The following HPF1 variants were observed in gnomAD, a reference collection of about 807,000 sequenced individuals.
The protein encoded by HPF1 is histone PARylation factor 1.
HPF1 carries 35 observed loss-of-function variants against 38.8 expected under a neutral mutation model. The ratio of observed to expected loss-of-function variants is 0.90; its 90% CI spans 0.69 to 1.19. The LOEUF (loss-of-function observed/expected upper bound fraction) is 1.19. Ranked by LOEUF, HPF1 falls within the 50% of genes most tolerant of loss-of-function variation. The pLI is 0.00. For synonymous variants in HPF1, 115 were observed against 139.2 expected, an observed-to-expected ratio of 0.83 and a Z score of 1.22; for missense variants, 367 against 405.8, an observed-to-expected ratio of 0.90 and a Z score of 0.82.
intron 2 of HPF1, among the ~76,000 whole-genome samples, chr4:169,752,502 G>C (rs1423965751): frequency 2.0e-5 from 3 of 151,988 alleles, no homozygotes; most frequent in Admixed American, 6.6e-5. Flanking sequence ...CCCATTAACA[G>C]TTTCTTTATC....
At chr4:169,742,956 C>T (rs1418931229) in intron 4 of HPF1, among the ~76,000 whole-genome samples, 3 of 151,612 alleles carry the variant, frequency 2.0e-5, no homozygotes, top group African/African-American at 4.8e-5. Context: ...CAAAAATTAG[C>T]TGGGCATGGT....
chr4:169,729,654 CTCT>C lies in HPF1; in HGVS notation c.962_964del (p.Lys321del), dbSNP rs1413914320. 1.3e-6 allele frequency: 2 copies of C among 1,586,520 alleles called. No individual in the cohort carries two copies. Among genetic ancestry groups the C allele is most frequent in the East Asian group, 2.3e-5 (1 of 43,674 alleles). ...CTCAATAATTTCTGCAAACAGATTC[CTCT>C]TCAACAGATTATATGCAAGAGGTAA... is the stretch of plus-strand genomic sequence containing the variant. On this transcript the variant is annotated inframe_deletion, in exon 8 of 8. Coordinates refer to ENST00000393381, the MANE Select transcript of HPF1 (RefSeq NM_017867.3).
At chr4:169,752,892 A>AT (rs1330685845) in intron 2 of HPF1, among the ~76,000 whole-genome samples, 4 of 152,154 alleles carry the variant, frequency 2.6e-5, no homozygotes, top group Non-Finnish European at 5.9e-5. Context: ...ATGTGATGAA[A>AT]TTACCTTTGC....
In HPF1 at chr4:169,757,867, C is replaced by A. The variant is rs568193006; in HGVS notation, c.11G>T (p.Gly4Val). Residue 4 changes from glycine to valine, a missense_variant, in exon 1 of 8, where the codon GGT becomes GTT. Transcript: ENST00000393381. MVG[G>V]GGKRRPGGEG... ...TCCGCCGGGCCTGCGCTTCCCGCCA[C>A]CGCCGACCATTCTGCAGCTGCAGCG... The A allele has an allele frequency of 5.8e-6, 9 of 1,562,830 alleles. No homozygotes were observed. In the African/African-American group the frequency reaches 1.1e-4, roughly 19 times the overall value.
At chr4:169,753,532 G>A (rs1734146274) in intron 2 of HPF1, 144 bp downstream of exon 2, 1 of 675,234 alleles carries the variant, frequency 1.5e-6, no homozygotes, top group Non-Finnish European at 2.6e-6. Context: ...GTCTCACTAT[G>A]TTGACCAGGT....
intron 2 of HPF1, among the ~76,000 whole-genome samples, chr4:169,752,000 T>C (rs1403585883): frequency 6.6e-6 from 1 of 152,156 alleles, no homozygotes; most frequent in Non-Finnish European, 1.5e-5. Context: ...TGAATATTTT[T>C]CCATGCTATT....
intron 6 of HPF1, 119 bp downstream of exon 6, chr4:169,737,541 A>T (rs1222032081): frequency 1.0e-5 from 7 of 696,706 alleles, no homozygotes; most frequent in African/African-American, 8.8e-5. Context: ...ACTCTTTATT[A>T]CTAAGGTCTA....
chr4:169,735,916 G>T (rs1447406818), intron 6 of HPF1, among the ~76,000 whole-genome samples: 1 of 147,840 alleles, frequency 6.8e-6, no homozygotes, highest in East Asian at 1.9e-4. Context: ...GAAACAGGTG[G>T]GGCAGGAGAA....
chr4:169,729,971 T>C (rs529027005), intron 7 of HPF1, among the ~76,000 whole-genome samples: 1 of 152,366 alleles, frequency 6.6e-6, no homozygotes, highest in South Asian at 2.1e-4. Context: ...CCTTAGGTTT[T>C]ATCAACTTTT....
At chr4:169,742,797 A>C (rs1733992702) in intron 4 of HPF1, among the ~76,000 whole-genome samples, 1 of 151,656 alleles carries the variant, frequency 6.6e-6, no homozygotes, top group Non-Finnish European at 1.5e-5. Context: ...GTCTCAAAAA[A>C]ATATATGTAT....
chr4:169,748,561 T>C (rs1581321430), intron 4 of HPF1, among the ~76,000 whole-genome samples, 183 bp downstream of exon 4: 2 of 152,160 alleles, frequency 1.3e-5, no homozygotes, highest in Middle Eastern at 3.4e-3. Flanking sequence ...TTAGTAGAGA[T>C]GGGGTATACC....
chr4:169,747,790 G>C (rs1229043946), intron 4 of HPF1, among the ~76,000 whole-genome samples: 1 of 152,186 alleles, frequency 6.6e-6, no homozygotes, highest in Non-Finnish European at 1.5e-5. Flanking sequence ...ATACCACATG[G>C]AGGCTGTGCT....
At chr4:169,732,852 C>G (rs1560886265) in intron 6 of HPF1, among the ~76,000 whole-genome samples, 1 of 152,096 alleles carries the variant, frequency 6.6e-6, no homozygotes, top group Non-Finnish European at 1.5e-5. Flanking sequence ...ATTAGGTATT[C>G]TAAGTAATCT....
Position 169,749,720 on chromosome 4 carries a change from C to CAAA in HPF1, c.398+813_398+815dup, listed in dbSNP as rs11413826. Among the ~76,000 whole-genome samples the CAAA allele has an allele frequency of 5.9e-3, 748 of 127,280 alleles. 12 individuals carry two copies. Among genetic ancestry groups the CAAA allele is most frequent in the African/African-American group, 0.021 (700 of 33,514 alleles). 83.5% of individuals were successfully genotyped at this position (127,280 alleles called of 152,430 possible). A position where few individuals can be genotyped will look rare whatever the true frequency, so the allele number is the denominator to read the frequency against. On this transcript the variant is annotated intron_variant, in intron 3 of 7. Coordinates refer to ENST00000393381, the MANE Select transcript of HPF1 (RefSeq NM_017867.3). ...ACCTAGTTGCTTTTATACTCAAATA[C>CAAA]AAAAAAAAAAAAAAAGGAAAAACAA...
rs187771618 is a variant in HPF1, at chr4:169,738,841, G to A, written c.649-1094C>T. Among the ~76,000 whole-genome samples, 954 of 152,250 alleles carry A rather than the reference G, an allele frequency of 6.3e-3. 27 individuals are homozygous for A. The highest frequency in any genetic ancestry group is 0.035 in the Admixed American group (538 of 15,290). ...AGGATGAGTTCATGTCCTTTGTAGG[G>A]ACATGGATGAAGCTGGAACCCATCA... On this transcript the variant is annotated intron_variant, in intron 5 of 7. Transcript: ENST00000393381.
intron 6 of HPF1, among the ~76,000 whole-genome samples, chr4:169,733,437 C>T (rs184869821): frequency 6.6e-6 from 1 of 152,192 alleles, no homozygotes; most frequent in East Asian, 1.9e-4. Flanking sequence ...ATTATTCAAA[C>T]AAACCAACAA....
intron 2 of HPF1, among the ~76,000 whole-genome samples, chr4:169,752,042 C>A (rs1734126051): frequency 6.6e-6 from 1 of 151,962 alleles, no homozygotes; most frequent in African/African-American, 2.4e-5. Context: ...TTTAATAGGG[C>A]ATAATACTGC....
intron 5 of HPF1, 39 bp downstream of exon 5, chr4:169,741,918 T>C: frequency 1.9e-6 from 3 of 1,576,048 alleles, no homozygotes; most frequent in Non-Finnish European, 2.6e-6. Context: ...GAAAAAAATA[T>C]GCTATAGCAA....
intron 4 of HPF1, among the ~76,000 whole-genome samples, chr4:169,742,620 G>T (rs565606913): frequency 6.6e-6 from 1 of 152,058 alleles, no homozygotes; most frequent in Non-Finnish European, 1.5e-5. Flanking sequence ...GTGAAACCCC[G>T]TCTCTACTAA....
Sources: gnomAD v4.1 joint callset for allele counts (sites outside exome capture counted in the v4.1 genomes callset) on GRCh38, gnomAD v4.1.1 for gene constraint, MANE v1.5 for transcripts, NCBI Gene and HGNC (gene_info 2026-07-23, HGNC 2026-07-21) for gene names.